CTNNB1: variants seen among roughly 807,000 people sequenced by gnomAD.
CTNNB1 encodes catenin beta 1.
CTNNB1 carries 6 observed loss-of-function variants against 82.5 expected under a neutral mutation model. The observed-to-expected ratio is 0.07, with a 90% CI of 0.04 to 0.14. The LOEUF (loss-of-function observed/expected upper bound fraction) is 0.14, where lower values mean the gene tolerates loss of function less well. Among genes scored for constraint, CTNNB1 ranks in the 10% least tolerant of loss-of-function variants. The probability of loss-of-function intolerance (pLI) is 1.00; values close to 1 mark genes in which losing one functional copy is unlikely to be tolerated. For synonymous variants in CTNNB1, 312 were observed against 329.7 expected, an observed-to-expected ratio of 0.95 and a Z score of 0.58; for missense variants, 529 against 980.4, an observed-to-expected ratio of 0.54 and a Z score of 6.15.
chr3:41,214,779 T>TAA (rs1307159720), intron 1 of CTNNB1, among the ~76,000 whole-genome samples: 2 of 146,672 alleles, frequency 1.4e-5, no homozygotes, highest in African/African-American at 5.0e-5. Context: ...TTTGGATAGC[T>TAA]AAAAAAAAAA....
intron 13 of CTNNB1, chr3:41,237,582 C>G: frequency 6.3e-6 from 1 of 159,482 alleles, no homozygotes; most frequent in East Asian, 1.8e-4. Flanking sequence ...CCTGTTTTCA[C>G]TGTCTTCTCT....
intron 2 of CTNNB1, 143 bp from the exon 3 acceptor site, chr3:41,224,383 C>CT (rs2078124219): frequency 3.4e-6 from 3 of 890,806 alleles, no homozygotes; most frequent in Non-Finnish European, 5.4e-6. Flanking sequence ...CTAACCCTGG[C>CT]TATCATTCTG....
intron 10 of CTNNB1, 66 bp downstream of exon 10, chr3:41,234,363 A>AC: frequency 6.5e-7 from 1 of 1,549,096 alleles, no homozygotes; most frequent in Non-Finnish European, 8.9e-7. Flanking sequence ...AGGATCCTGA[A>AC]CTTCTTTCTT....
intron 1 of CTNNB1, chr3:41,200,150 G>C (rs1345658071): frequency 6.6e-6 from 1 of 152,246 alleles, no homozygotes; most frequent in African/African-American, 2.4e-5. Flanking sequence ...GCCACCCTAA[G>C]TCCCATCAGT....
In CTNNB1 at chr3:41,240,308, T is replaced by C. The variant is rs1288310774; in HGVS notation, c.*966T>C. On this transcript the variant is annotated 3_prime_UTR_variant, in exon 15 of 15. Transcript: ENST00000349496. ...ATGGGTAGGGTAAATCAGTAAGAGG[T>C]GTTATTTGGAACCTTGTTTTGGACA... The C allele has an allele frequency of 1.6e-5, 3 of 191,920 alleles. No homozygotes were observed. The East Asian group carries it at 2.5e-4, about 16-fold the overall frequency. 11.9% of individuals were successfully genotyped at this position (191,920 alleles called of 1,614,324 possible).
intron 6 of CTNNB1, among the ~76,000 whole-genome samples, chr3:41,226,509 C>T (rs761699062): frequency 5.9e-5 from 9 of 152,082 alleles, no homozygotes; most frequent in Non-Finnish European, 1.3e-4. Flanking sequence ...GGTGAGAAAA[C>T]AACATCTTTG....
In CTNNB1 at chr3:41,224,018, T is replaced by A; in HGVS notation, c.-48-3T>A. ...CTAATGACTTTTGATTAACTTTTTT[T>A]AGGGTATTTGAAGTATACCATACAA... On this transcript the variant is annotated splice_region_variant and splice_polypyrimidine_tract_variant and intron_variant, in intron 1 of 14. Transcript: ENST00000349496. 9 of 1,598,310 alleles carry A rather than the reference T, an allele frequency of 5.6e-6. No homozygotes were observed. Among genetic ancestry groups the A allele is most frequent in the Non-Finnish European group, 7.7e-6 (9 of 1,165,788 alleles).
chr3:41,220,075 A>G (rs1054700240), intron 1 of CTNNB1, among the ~76,000 whole-genome samples: 7 of 152,356 alleles, frequency 4.6e-5, no homozygotes, highest in African/African-American at 1.7e-4. Flanking sequence ...TGGAGATGAT[A>G]AATAAAAATA....
chr3:41,226,097 A>G (rs2078169714), intron 6 of CTNNB1, among the ~76,000 whole-genome samples: 1 of 152,116 alleles, frequency 6.6e-6, no homozygotes, highest in Admixed American at 6.6e-5. Context: ...TGCAGTCCAC[A>G]CTAGGGTTTC....
rs1376864427 is a variant in CTNNB1 at position 41,234,185 on chromosome 3, A to T, written c.1571A>T (p.His524Leu). The change falls in exon 10 of 15, where the codon CAT (histidine) becomes CTT (leucine). Residue 524 changes from histidine to leucine, a missense_variant. Physicochemically the swap from His to Leu is moderately conservative, Grantham distance 99. Transcript: ENST00000349496. Reference protein sequence around the residue: ...IRNLALCPANHAPLREQGAIP... With the variant: ...IRNLALCPANLAPLREQGAIP... The stretch of plus-strand genomic sequence containing the variant: ...AATCTTGCCCTTTGTCCCGCAAATC[A>T]TGCACCTTTGCGTGAGCAGGGTGCC... The T allele has an allele frequency of 1.9e-6, 3 of 1,614,080 alleles. No individual in the cohort carries two copies. The highest frequency in any genetic ancestry group is 2.7e-5 in the African/African-American group (2 of 74,930).
At position 41,199,505 on chromosome 3, in the gene CTNNB1, A is replaced by AAGCCT. The variant is rs2077472068; in HGVS notation, c.-213_-209dup. On this transcript the variant is annotated 5_prime_UTR_variant, in exon 1 of 15. Coordinates refer to ENST00000349496, the MANE Select transcript of CTNNB1 (RefSeq NM_001904.4). ...AGAGCTCCTTGTGCGGCGCCATTTT[A>AAGCCT]AGCCTCTCGGTCTGTGGCAGCAGCG... The AAGCCT allele has an allele frequency of 6.6e-6, 1 of 151,952 alleles. No homozygotes were observed. The highest frequency in any genetic ancestry group is 2.4e-5 in the African/African-American group (1 of 41,220). The allele number at this position is 151,952 out of a possible 1,614,324, so 9.4% of individuals were successfully genotyped here.
chr3:41,230,467 A>G (rs547969583), intron 7 of CTNNB1, among the ~76,000 whole-genome samples: 1 of 152,340 alleles, frequency 6.6e-6, no homozygotes, highest in African/African-American at 2.4e-5. Flanking sequence ...TGAAAATAGC[A>G]TCTAATGTAT....
At chr3:41,227,093 C>A in intron 6 of CTNNB1, 115 bp from the exon 7 acceptor site, 2 of 902,838 alleles carry the variant, frequency 2.2e-6, no homozygotes, top group Non-Finnish European at 3.6e-6. Context: ...ACATTTAGGT[C>A]CAATGGCAAG....
chr3:41,228,102 T>G (rs1490440455), intron 7 of CTNNB1, among the ~76,000 whole-genome samples: 1 of 152,228 alleles, frequency 6.6e-6, no homozygotes, highest in Non-Finnish European at 1.5e-5. Context: ...GTACCACATT[T>G]TCTTTATCTA....
intron 14 of CTNNB1, 70 bp from the exon 15 acceptor site, chr3:41,239,063 CT>C: frequency 7.6e-7 from 1 of 1,308,814 alleles, no homozygotes; most frequent in Non-Finnish European, 1.1e-6. Flanking sequence ...GTGTTAACGT[CT>C]ATGTCTGCTT....
chr3:41,237,951 T>C, intron 13 of CTNNB1, 65 bp from the exon 14 acceptor site: 2 of 1,354,898 alleles, frequency 1.5e-6, no homozygotes, highest in Non-Finnish European at 2.1e-6. Flanking sequence ...TAAAAAAAAT[T>C]AGTGTACTTT....
At chr3:41,230,064 T>C (rs138909578) in intron 7 of CTNNB1, among the ~76,000 whole-genome samples, 1 of 152,228 alleles carries the variant, frequency 6.6e-6, no homozygotes, top group African/African-American at 2.4e-5. Context: ...GGGAATAAAG[T>C]ATAGGGCTGG....
chr3:41,208,246 T>C (rs575819175), intron 1 of CTNNB1, among the ~76,000 whole-genome samples: 1 of 152,208 alleles, frequency 6.6e-6, no homozygotes, highest in Non-Finnish European at 1.5e-5. Flanking sequence ...ACTGTTTAGC[T>C]TACTTTTTTT....
rs764044761 is a variant in CTNNB1, at chr3:41,239,642, C to T, written c.*300C>T. On this transcript the variant is annotated 3_prime_UTR_variant, in exon 15 of 15. Transcript: ENST00000349496. ...TGCTGTTTTAAACATTAATAGCAGC[C>T]TTTCTCTCTTTATACAGCTGTATTG... 4.2e-6 allele frequency: 2 copies of T among 471,198 alleles called. No individual in the cohort carries two copies. Among genetic ancestry groups the T allele is most frequent in the Non-Finnish European group, 7.8e-6 (2 of 255,068 alleles). The allele number at this position is 471,198 out of a possible 1,614,324, so 29.2% of individuals were successfully genotyped here. A position where few individuals can be genotyped will look rare whatever the true frequency, so the allele number is the denominator to read the frequency against.
Sources: gnomAD v4.1 joint callset for allele counts (sites outside exome capture counted in the v4.1 genomes callset) on GRCh38, gnomAD v4.1.1 for gene constraint, MANE v1.5 for transcripts, NCBI Gene and HGNC (gene_info 2026-07-23, HGNC 2026-07-21) for gene names.